RBM39: variants seen among roughly 807,000 people sequenced by gnomAD.
RBM39 encodes RNA-binding protein 39.
Under a neutral mutation model 79.6 loss-of-function variants are expected in RBM39, and 12 were observed. The ratio of observed to expected loss-of-function variants is 0.15; its 90% CI spans 0.10 to 0.24. RBM39 has a LOEUF of 0.24. RBM39 is among the 10% of genes least tolerant of loss of function. The pLI, the probability that RBM39 is intolerant of heterozygous loss-of-function variation, is 1.00. For missense variants in RBM39, 243 were observed against 653.4 expected, an observed-to-expected ratio of 0.37 and a Z score of 6.85; for synonymous variants, 185 against 208.4, an observed-to-expected ratio of 0.89 and a Z score of 0.97.
intron 2 of RBM39, 77 bp downstream of exon 2, chr20:35,740,747 T>C (rs1261413888): frequency 6.8e-6 from 10 of 1,471,934 alleles, no homozygotes; most frequent in African/African-American, 1.4e-5. Flanking sequence ...GGGAGGTTAG[T>C]TTACATTTCA....
intron 3 of RBM39, chr20:35,734,874 A>G: frequency 6.6e-7 from 1 of 1,517,858 alleles, no homozygotes; most frequent in Non-Finnish European, 8.8e-7. Context: ...ATCCACACTA[A>G]TAGTCAAATC....
chr20:35,725,720 C>T (rs893184796), intron 6 of RBM39, among the ~76,000 whole-genome samples: 11 of 148,898 alleles, frequency 7.4e-5, no homozygotes, highest in African/African-American at 1.2e-4. Flanking sequence ...TGGAGTGCAA[C>T]GGCGCCATCT....
chr20:35,727,934 C>T (rs1393327763), intron 6 of RBM39, among the ~76,000 whole-genome samples: 1 of 152,064 alleles, frequency 6.6e-6, no homozygotes, highest in Admixed American at 6.6e-5. Context: ...CAGGCGTGAG[C>T]CACCACCACG....
rs1214380748 is a variant in RBM39 at position 35,704,006 on chromosome 20, CAAG to C, written c.*472_*474del. 10 of 153,116 alleles carry C rather than the reference CAAG, an allele frequency of 6.5e-5. No individual in the cohort carries two copies. Among genetic ancestry groups the C allele is most frequent in the Admixed American group, 6.5e-4 (10 of 15,370 alleles). 9.5% of individuals were successfully genotyped at this position (153,116 alleles called of 1,614,324 possible). A position where few individuals can be genotyped will look rare whatever the true frequency, so the allele number is the denominator to read the frequency against. On this transcript the variant is annotated 3_prime_UTR_variant, in exon 17 of 17. Transcript: ENST00000253363. ...CCTTTCTTGCCAATTGATCAGAATG[CAAG>C]ATGAGATGCTAACCAAACAGCCCTT...
intron 11 of RBM39, chr20:35,713,341 G>A: frequency 5.8e-6 from 2 of 345,144 alleles, no homozygotes; most frequent in East Asian, 5.6e-5. Context: ...ATGGAGTATC[G>A]CTCTTGTTGC....
chr20:35,723,416 C>A (rs996143903), intron 8 of RBM39, among the ~76,000 whole-genome samples: 2 of 152,128 alleles, frequency 1.3e-5, no homozygotes, highest in Non-Finnish European at 2.9e-5. Context: ...GTTTGTCTTC[C>A]AACATAGGAA....
At chr20:35,727,634 C>A (rs1428188967) in intron 6 of RBM39, among the ~76,000 whole-genome samples, 1 of 150,714 alleles carries the variant, frequency 6.6e-6, no homozygotes, top group African/African-American at 2.5e-5. Context: ...CACCACCATG[C>A]CCAGCTAATT....
intron 3 of RBM39, among the ~76,000 whole-genome samples, chr20:35,737,653 T>C (rs1379987992): frequency 2.8e-5 from 4 of 143,510 alleles, no homozygotes; most frequent in Non-Finnish European, 6.0e-5. Flanking sequence ...ACAAGGTCAA[T>C]TCTGGCTAAC....
At chr20:35,720,291 G>A (rs1359895738) in intron 9 of RBM39, among the ~76,000 whole-genome samples, 1 of 152,144 alleles carries the variant, frequency 6.6e-6, no homozygotes, top group Non-Finnish European at 1.5e-5. Flanking sequence ...CAAAAGCCAA[G>A]CTGCTCTGAA....
chr20:35,741,490 G>GA (rs1159294012), intron 1 of RBM39: 1 of 152,232 alleles, frequency 6.6e-6, no homozygotes, highest in Non-Finnish European at 1.5e-5. Context: ...CCTCTTACAC[G>GA]AAACACACGA....
rs2035302118 is a variant in RBM39 at position 35,701,913 on chromosome 20, A to G, written c.*2568T>C. 1 of 152,066 alleles carries G rather than the reference A, an allele frequency of 6.6e-6. No individual in the cohort carries two copies. The allele number at this position is 152,066 out of a possible 1,614,324, so 9.4% of individuals were successfully genotyped here. A position where few individuals can be genotyped will look rare whatever the true frequency, so the allele number is the denominator to read the frequency against. Reference sequence around the variant, plus strand: ...TCCAGCCCGAGGTTGTTATTTAGATATACCTAGTGGCTTTATCAGAAAAAG... The same window carrying G: ...TCCAGCCCGAGGTTGTTATTTAGATGTACCTAGTGGCTTTATCAGAAAAAG... On this transcript the variant is annotated 3_prime_UTR_variant, in exon 17 of 17. Transcript: ENST00000253363.
intron 15 of RBM39, 179 bp downstream of exon 15, chr20:35,705,046 T>C (rs2035550746): frequency 6.7e-6 from 4 of 600,892 alleles, no homozygotes; most frequent in Non-Finnish European, 1.2e-5. Flanking sequence ...GATCAAATTG[T>C]TACTGATTTT....
At chr20:35,732,387 C>T (rs2039468902) in intron 3 of RBM39, 1 of 471,776 alleles carries the variant, frequency 2.1e-6, no homozygotes. Context: ...GAAACCCCGT[C>T]CCTAATAAAA....
intron 6 of RBM39, among the ~76,000 whole-genome samples, chr20:35,728,026 A>T (rs1381794309): frequency 6.6e-6 from 1 of 152,108 alleles, no homozygotes; most frequent in African/African-American, 2.4e-5. Flanking sequence ...GACCTTGTGG[A>T]TCCACCCACC....
At chr20:35,705,453 T>G (rs1039404529) in intron 14 of RBM39, 123 bp from the exon 15 acceptor site, 2 of 608,386 alleles carry the variant, frequency 3.3e-6, no homozygotes, top group East Asian at 3.2e-5. Context: ...AAAAGCACAT[T>G]GACAGAACGT....
intron 9 of RBM39, among the ~76,000 whole-genome samples, chr20:35,718,667 G>T (rs2064979289): frequency 6.6e-6 from 1 of 152,036 alleles, no homozygotes; most frequent in Non-Finnish European, 1.5e-5. Flanking sequence ...TACAAAATTA[G>T]CAGGGTGTGG....
intron 3 of RBM39, among the ~76,000 whole-genome samples, chr20:35,736,911 A>C (rs998951581): frequency 2.0e-5 from 3 of 149,570 alleles, no homozygotes; most frequent in Non-Finnish European, 3.0e-5. Flanking sequence ...TGAGCCTCCC[A>C]AAGTGCTGGG....
At chr20:35,719,224 G>T (rs889405948) in intron 9 of RBM39, among the ~76,000 whole-genome samples, 1 of 151,996 alleles carries the variant, frequency 6.6e-6, no homozygotes, top group Admixed American at 6.6e-5. Context: ...TAGAGAAGAG[G>T]TTTCACCATG....
rs76186149 is a variant in RBM39, at chr20:35,707,595, T to C, written c.1226-394A>G. 5.1e-4 allele frequency: 101 copies of C among 197,248 alleles called. 1 individual carries two copies. The Middle Eastern group carries it at 0.014, about 27-fold the overall frequency. 12.2% of individuals were successfully genotyped at this position (197,248 alleles called of 1,614,324 possible). A position where few individuals can be genotyped will look rare whatever the true frequency, so the allele number is the denominator to read the frequency against. ...AATCCTTTGAAATGCCAAATAAATC[T>C]ATATCCTTTCCTATTTCTTCGCTTT... On this transcript the variant is annotated intron_variant, in intron 13 of 16. Coordinates refer to ENST00000253363, the MANE Select transcript of RBM39 (RefSeq NM_184234.3).
Sources: gnomAD v4.1 joint callset for allele counts (sites outside exome capture counted in the v4.1 genomes callset) on GRCh38, gnomAD v4.1.1 for gene constraint, MANE v1.5 for transcripts, NCBI Gene and HGNC (gene_info 2026-07-23, HGNC 2026-07-21) for gene names.